The following KIN variants were observed in gnomAD, a reference collection of about 807,000 sequenced individuals.
The protein encoded by KIN is Kin17 DNA and RNA binding protein.
In KIN, 47 loss-of-function variants were observed where a neutral mutation model predicts 63.0. The ratio of observed to expected loss-of-function variants is 0.75; its 90% confidence interval spans 0.59 to 0.95. The LOEUF (loss-of-function observed/expected upper bound fraction) is 0.95. Ranked by LOEUF, KIN falls within the 40% of genes least tolerant of loss-of-function variation. The probability of loss-of-function intolerance (pLI) is 0.00; values close to 1 mark genes in which losing one functional copy is unlikely to be tolerated. For synonymous variants in KIN, 160 were observed against 157.7 expected, an observed-to-expected ratio of 1.01 and a Z score of -0.11; for missense variants, 408 against 460.9, an observed-to-expected ratio of 0.89 and a Z score of 1.05.
intron 1 of KIN, 52 bp downstream of exon 1, chr10:7,787,768 T>A (rs1235167972): frequency 7.1e-7 from 1 of 1,416,326 alleles, no homozygotes; most frequent in African/African-American, 1.4e-5. Flanking sequence ...GACCTGATCC[T>A]GGATTGCCAG....
At chr10:7,772,923 T>G (rs1835696104) in intron 7 of KIN, among the ~76,000 whole-genome samples, 1 of 152,074 alleles carries the variant, frequency 6.6e-6, no homozygotes, top group South Asian at 2.1e-4. Context: ...CAAATGAGAG[T>G]AAGTTAAAGA....
At chr10:7,770,147 T>C (rs1464720468) in intron 7 of KIN, among the ~76,000 whole-genome samples, 1 of 152,226 alleles carries the variant, frequency 6.6e-6, no homozygotes, top group Non-Finnish European at 1.5e-5. Flanking sequence ...GCCAGGCTGG[T>C]CTTGAACTCT....
chr10:7,783,079 A>G lies in KIN; in HGVS notation c.209+2T>C. The G allele has an allele frequency of 6.5e-7, 1 of 1,541,646 alleles. No individual in the cohort carries two copies. Among genetic ancestry groups the G allele is most frequent in the Non-Finnish European group, 8.9e-7 (1 of 1,124,778 alleles). ...AGATAAAGAGTTCTTTGAGTTACTTACTCTGAAAAATAATCCATAAACTGC... is the reference window on the plus strand; with the variant it reads ...AGATAAAGAGTTCTTTGAGTTACTTGCTCTGAAAAATAATCCATAAACTGC... On this transcript the variant is annotated splice_donor_variant, in intron 2 of 12. Coordinates refer to ENST00000379562, the MANE Select transcript of KIN (RefSeq NM_012311.4). LOFTEE classifies it high-confidence loss of function.
At chr10:7,758,748 C>T (rs1463647441) in intron 12 of KIN, among the ~76,000 whole-genome samples, 1 of 151,762 alleles carries the variant, frequency 6.6e-6, no homozygotes, top group Non-Finnish European at 1.5e-5. Flanking sequence ...TTTTCTACTG[C>T]CTTATGCTGA....
intron 6 of KIN, 23 bp downstream of exon 6, chr10:7,775,728 G>T (rs181192065): frequency 1.6e-4 from 218 of 1,372,782 alleles, no homozygotes; most frequent in African/African-American, 5.8e-4. Context: ...TTTAAAAAAA[G>T]AAAAAATAAA....
At position 7,787,874 on chromosome 10, in the gene KIN, C is replaced by T. The variant is rs1377860310; in HGVS notation, c.60G>A (p.Gly20=). 2 of 1,614,236 alleles carry T rather than the reference C, an allele frequency of 1.2e-6. No individual in the cohort carries two copies. The highest frequency in any genetic ancestry group is 1.7e-6 in the Non-Finnish European group (2 of 1,180,000). ...KAIANRIKSK[G]LQKLRWYCQM... ...GGCAATACCAGCGTAGCTTCTGCAGCCCCTTGGACTTGATCCTGTTGGCGA... is the reference window on the plus strand; with the variant it reads ...GGCAATACCAGCGTAGCTTCTGCAGTCCCTTGGACTTGATCCTGTTGGCGA... The change falls in exon 1 of 13, where the codon GGG becomes GGA. Residue 20 remains glycine (G), a synonymous_variant. Transcript: ENST00000379562.
intron 11 of KIN, chr10:7,761,297 TA>T (rs1835431128): frequency 6.6e-6 from 1 of 152,154 alleles, no homozygotes; most frequent in South Asian, 2.1e-4. Context: ...GGAAAAAGAA[TA>T]AAGAATATGA....
chr10:7,772,426 C>T (rs1453215896), intron 7 of KIN, among the ~76,000 whole-genome samples: 1 of 152,132 alleles, frequency 6.6e-6, no homozygotes, highest in African/African-American at 2.4e-5. Context: ...GAATTCTAGC[C>T]TTTCTCAAAG....
Position 7,753,888 on chromosome 10 carries a change from T to C in KIN, c.*2192A>G, listed in dbSNP as rs955105258. On this transcript the variant is annotated 3_prime_UTR_variant, in exon 13 of 13. Coordinates refer to ENST00000379562, the MANE Select transcript of KIN (RefSeq NM_012311.4). The stretch of plus-strand genomic sequence containing the variant: ...CATACGTTCTCCCATCTTCTGAGAA[T>C]AGAAGCAATCAGCCCTCCCTGACTC... The C allele has an allele frequency of 5.9e-6, 2 of 336,658 alleles. No homozygotes were observed. The highest frequency in any genetic ancestry group is 2.2e-5 in the African/African-American group (1 of 46,118). 20.9% of individuals were successfully genotyped at this position (336,658 alleles called of 1,614,324 possible).
intron 8 of KIN, among the ~76,000 whole-genome samples, chr10:7,768,340 T>C (rs1374613207): frequency 2.0e-5 from 3 of 152,080 alleles, no homozygotes; most frequent in Non-Finnish European, 4.4e-5. Flanking sequence ...GCCAACATGG[T>C]GAAACCCTGT....
intron 1 of KIN, among the ~76,000 whole-genome samples, chr10:7,784,177 T>TG (rs1227907713): frequency 6.6e-6 from 1 of 152,132 alleles, no homozygotes; most frequent in Non-Finnish European, 1.5e-5. Flanking sequence ...AGGAGTAGAT[T>TG]GGGGGGATAC....
intron 7 of KIN, among the ~76,000 whole-genome samples, chr10:7,770,854 T>C (rs943663399): frequency 1.4e-4 from 21 of 152,190 alleles, no homozygotes; most frequent in African/African-American, 4.3e-4. Context: ...TAGCCTTAGA[T>C]TGATGAACTG....
chr10:7,765,614 T>C (rs1404179638), intron 9 of KIN, among the ~76,000 whole-genome samples: 4 of 152,168 alleles, frequency 2.6e-5, no homozygotes, highest in Non-Finnish European at 1.5e-5. Context: ...TAAAACTCCC[T>C]TGAGTTTGTG....
At chr10:7,762,410 G>T in intron 11 of KIN, 47 bp downstream of exon 11, 1 of 1,061,472 alleles carries the variant, frequency 9.4e-7, no homozygotes, top group Non-Finnish European at 1.4e-6. Context: ...AAATGGAACC[G>T]CTCATTTTGA....
intron 1 of KIN, 30 bp downstream of exon 1, chr10:7,787,790 G>A: frequency 6.5e-7 from 1 of 1,537,496 alleles, no homozygotes; most frequent in South Asian, 1.1e-5. Context: ...GGCCCTCCTG[G>A]GAAGACGGGG....
intron 1 of KIN, among the ~76,000 whole-genome samples, chr10:7,786,715 C>T (rs1000929514): frequency 6.6e-6 from 1 of 152,168 alleles, no homozygotes; most frequent in Non-Finnish European, 1.5e-5. Flanking sequence ...ACCATGCCAG[C>T]ACCTTGATCT....
intron 2 of KIN, among the ~76,000 whole-genome samples, chr10:7,782,580 G>C (rs1835919721): frequency 6.6e-6 from 1 of 151,944 alleles, no homozygotes; most frequent in Admixed American, 6.6e-5. Context: ...TGTATTTTTA[G>C]TAGAGACGGG....
intron 11 of KIN, 26 bp from the exon 12 acceptor site, chr10:7,760,016 TAATGTGAAGA>T (rs751506039): frequency 5.4e-6 from 6 of 1,107,496 alleles, no homozygotes; most frequent in Non-Finnish European, 7.9e-6. Flanking sequence ...ATATAAAAAT[TAATGTGAAGA>T]AATATCTCCA....
chr10:7,763,572 C>T (rs1274910569), intron 10 of KIN, 151 bp downstream of exon 10: 1 of 602,494 alleles, frequency 1.7e-6, no homozygotes, highest in Non-Finnish European at 2.9e-6. Flanking sequence ...CTCCAACAAT[C>T]ATGAATTCAG....
Sources: allele counts gnomAD v4.1 joint callset (sites outside exome capture counted in the v4.1 genomes callset), GRCh38; gene constraint gnomAD v4.1.1; transcripts MANE v1.5; gene names NCBI Gene and HGNC (gene_info 2026-07-23, HGNC 2026-07-21).